The following ROBO1 variants were observed in gnomAD, a reference collection of about 807,000 sequenced individuals.
The protein encoded by ROBO1 is roundabout homolog 1.
ROBO1 carries 149 observed loss-of-function variants against 195.9 expected under a neutral mutation model. The ratio of observed to expected loss-of-function variants is 0.76; its 90% CI spans 0.67 to 0.87. The LOEUF (loss-of-function observed/expected upper bound fraction) is 0.87. Among genes scored for constraint, ROBO1 ranks in the 40% least tolerant of loss-of-function variants. The pLI is 0.00. For missense variants in ROBO1, 1,933 were observed against 2,068.3 expected (o/e 0.93, Z 1.27); for synonymous variants, 816 against 733.2 (o/e 1.11, Z -1.82).
intron 2 of ROBO1, among the ~76,000 whole-genome samples, chr3:79,426,362 T>C (rs1348821599): frequency 6.6e-6 from 1 of 151,988 alleles, no homozygotes; most frequent in Non-Finnish European, 1.5e-5. Flanking sequence ...TATAATTTTG[T>C]TGTTGTTGTT....
At chr3:78,633,163 A>G (rs1476916689) in intron 24 of ROBO1, among the ~76,000 whole-genome samples, 1 of 152,210 alleles carries the variant, frequency 6.6e-6, no homozygotes, top group Non-Finnish European at 1.5e-5. Flanking sequence ...GGGAAGTGGC[A>G]TTTCTACCCT....
chr3:79,068,782 A>G (rs892198625), intron 3 of ROBO1, among the ~76,000 whole-genome samples: 4 of 151,802 alleles, frequency 2.6e-5, no homozygotes, highest in African/African-American at 9.7e-5. Flanking sequence ...TTCCAATCTA[A>G]CTTTCTCAAT....
intron 2 of ROBO1, among the ~76,000 whole-genome samples, chr3:79,353,799 C>T (rs1410409829): frequency 1.3e-5 from 2 of 152,134 alleles, no homozygotes; most frequent in African/African-American, 4.8e-5. Flanking sequence ...AATCCCAGCA[C>T]TTTGTGAGGC....
intron 3 of ROBO1, among the ~76,000 whole-genome samples, chr3:78,974,235 A>C (rs2076836754): frequency 6.6e-6 from 1 of 152,148 alleles, no homozygotes; most frequent in South Asian, 2.1e-4. Context: ...TTTCTCTTGA[A>C]ATACAACATT....
rs566037838 is a variant in ROBO1, at chr3:79,716,529, C to T, written c.-51+51223G>A. On this transcript the variant is annotated intron_variant, in intron 1 of 30. Coordinates refer to ENST00000464233, the MANE Select transcript of ROBO1 (RefSeq NM_002941.4). ...CACTAATTTATTTAACGAAACAATA[C>T]TATGATAATTTTTCAAAGTTCTGGG... 5.3e-5 allele frequency among the ~76,000 whole-genome samples: 8 copies of T among 151,776 alleles called. 1 individual carries two copies. In the South Asian group the frequency reaches 1.7e-3, roughly 32 times the overall value.
At chr3:79,061,600 T>C (rs1220857299) in intron 3 of ROBO1, among the ~76,000 whole-genome samples, 1 of 152,176 alleles carries the variant, frequency 6.6e-6, no homozygotes, top group Non-Finnish European at 1.5e-5. Flanking sequence ...GACTTCAAAC[T>C]ATACTGCATG....
At chr3:78,853,495 T>C (rs2034210761) in intron 4 of ROBO1, among the ~76,000 whole-genome samples, 1 of 149,218 alleles carries the variant, frequency 6.7e-6, no homozygotes. Flanking sequence ...ATGTATTTAT[T>C]TATATATTGT....
intron 2 of ROBO1, among the ~76,000 whole-genome samples, chr3:79,182,713 G>A (rs1000976221): frequency 6.6e-6 from 1 of 152,148 alleles, no homozygotes; most frequent in Non-Finnish European, 1.5e-5. Flanking sequence ...GAGAAATGTA[G>A]GTCCTAAAAG....
At chr3:79,569,468 T>C (rs920596321) in intron 2 of ROBO1, among the ~76,000 whole-genome samples, 2 of 152,200 alleles carry the variant, frequency 1.3e-5, no homozygotes, top group African/African-American at 4.8e-5. Flanking sequence ...AGTTGCTATA[T>C]GAATTTTTAA....
At chr3:78,900,507 C>T (rs982644497) in intron 4 of ROBO1, among the ~76,000 whole-genome samples, 12 of 151,984 alleles carry the variant, frequency 7.9e-5, no homozygotes, top group Admixed American at 1.3e-4. Context: ...ATGCTGGCTG[C>T]CAAATTTACA....
chr3:78,865,472 C>CTT lies in ROBO1; in HGVS notation c.499+73127_499+73128dup, dbSNP rs549086224. 3.0e-3 allele frequency among the ~76,000 whole-genome samples: 378 copies of CTT among 126,876 alleles called. 7 individuals carry two copies. Among genetic ancestry groups the CTT allele is most frequent in the African/African-American group, 8.6e-3 (289 of 33,528 alleles). The allele number at this position is 126,876 out of a possible 152,430, so 83.2% of individuals were successfully genotyped here. A position where few individuals can be genotyped will look rare whatever the true frequency, so the allele number is the denominator to read the frequency against. ...CAAAAACTTCATGGCTTGATGAACG[C>CTT]TTTTTTTTTTTTTTTTTGAGATGGA... On this transcript the variant is annotated intron_variant, in intron 4 of 30. Transcript: ENST00000464233.
At chr3:79,685,654 C>T (rs1387382432) in intron 1 of ROBO1, among the ~76,000 whole-genome samples, 1 of 152,106 alleles carries the variant, frequency 6.6e-6, no homozygotes, top group Admixed American at 6.6e-5. Context: ...GTGCACGCTC[C>T]AGTGGCTACA....
intron 2 of ROBO1, among the ~76,000 whole-genome samples, chr3:79,455,623 C>T (rs968724719): frequency 1.3e-5 from 2 of 152,012 alleles, no homozygotes; most frequent in Non-Finnish European, 2.9e-5. Flanking sequence ...ATTGTAGATA[C>T]AGGGAAGAAC....
chr3:79,066,119 A>G (rs1037541501), intron 3 of ROBO1, among the ~76,000 whole-genome samples: 3 of 151,914 alleles, frequency 2.0e-5, no homozygotes, highest in Admixed American at 6.6e-5. Flanking sequence ...GAGCTACAAC[A>G]TGAGAGAGTC....
chr3:79,629,192 A>AAT (rs1945267013), intron 1 of ROBO1, among the ~76,000 whole-genome samples: 1 of 152,064 alleles, frequency 6.6e-6, no homozygotes, highest in Admixed American at 6.6e-5. Flanking sequence ...ACAACTGCAG[A>AAT]ATATATATAT....
At chr3:79,470,349 G>T (rs1938202045) in intron 2 of ROBO1, among the ~76,000 whole-genome samples, 1 of 152,106 alleles carries the variant, frequency 6.6e-6, no homozygotes, top group Non-Finnish European at 1.5e-5. Context: ...TCATAGGTGG[G>T]AATTGAACAA....
chr3:79,331,817 A>G (rs1314209958), intron 2 of ROBO1, among the ~76,000 whole-genome samples: 1 of 152,206 alleles, frequency 6.6e-6, no homozygotes, highest in Non-Finnish European at 1.5e-5. Context: ...TGCTGATGAT[A>G]ATAAAAGAGC....
intron 2 of ROBO1, among the ~76,000 whole-genome samples, chr3:79,128,535 T>C (rs1034956921): frequency 6.6e-6 from 1 of 152,208 alleles, no homozygotes. Context: ...CAGTATTCTA[T>C]GCAAAGCGGG....
chr3:79,076,963 G>C (rs1003275873), intron 3 of ROBO1, among the ~76,000 whole-genome samples: 3 of 151,742 alleles, frequency 2.0e-5, no homozygotes, highest in Non-Finnish European at 4.4e-5. Context: ...GAAGTTTTTT[G>C]TTCGTTTTAT....
Sources: gnomAD v4.1 joint callset for allele counts (sites outside exome capture counted in the v4.1 genomes callset) on GRCh38, gnomAD v4.1.1 for gene constraint, MANE v1.5 for transcripts, NCBI Gene and HGNC (gene_info 2026-07-23, HGNC 2026-07-21) for gene names.